Variants in PLXND1 observed in about 807,000 individuals in gnomAD.
PLXND1 encodes the protein plexin-D1.
In PLXND1, 54 loss-of-function variants were observed where a neutral mutation model predicts 197.7. The observed-to-expected ratio is 0.27, with a 90% CI of 0.22 to 0.34. The LOEUF (loss-of-function observed/expected upper bound fraction) is 0.34. Ranked by LOEUF, PLXND1 falls within the 10% of genes least tolerant of loss-of-function variation. PLXND1 has a pLI of 1.00. For missense variants in PLXND1, 2,127 were observed against 2,699.2 expected, an observed-to-expected ratio of 0.79 and a Z score of 4.70; for synonymous variants, 1,180 against 1,161.2, an observed-to-expected ratio of 1.02 and a Z score of -0.33.
At chr3:129,605,061 C>T (rs953543850) in intron 1 of PLXND1, among the ~76,000 whole-genome samples, 3 of 152,222 alleles carry the variant, frequency 2.0e-5, no homozygotes, top group Admixed American at 1.3e-4. Flanking sequence ...GCAACTTGGA[C>T]CCCTCCCAGT....
intron 11 of PLXND1, among the ~76,000 whole-genome samples, chr3:129,575,011 G>A (rs1310015316): frequency 6.6e-6 from 1 of 152,214 alleles, no homozygotes; most frequent in Non-Finnish European, 1.5e-5. Context: ...GCCGTTCTGG[G>A]ACCTTCATGG....
Position 129,558,726 on chromosome 3 carries a change from T to A in PLXND1, c.5298-151A>T. 1.4e-6 allele frequency: 1 copy of A among 729,786 alleles called. No homozygotes were observed. Among genetic ancestry groups the A allele is most frequent in the Non-Finnish European group, 2.2e-6 (1 of 451,130 alleles). 45.2% of individuals were successfully genotyped at this position (729,786 alleles called of 1,614,324 possible). A position where few individuals can be genotyped will look rare whatever the true frequency, so the allele number is the denominator to read the frequency against. ...TGACCTTTGGGAACCTTAGTTTGCCTATCCCTGGCCAGCTGGGGTGCAGTG... is the reference window on the plus strand; with the variant it reads ...TGACCTTTGGGAACCTTAGTTTGCCAATCCCTGGCCAGCTGGGGTGCAGTG... On this transcript the variant is annotated intron_variant, in intron 32 of 35. Coordinates refer to ENST00000324093, the MANE Select transcript of PLXND1 (RefSeq NM_015103.3). The surrounding 1 kb of genome is among the most constrained non-coding windows in gnomAD (Gnocchi z 4.1).
rs780317903 is a variant in PLXND1 at position 129,558,095 on chromosome 3, T to A, written c.5445+333A>T. ...CCCAGAGCCTGGCCCGGTTTTCAGA[T>A]GATGTTGTGCCTGACCAAGCAGGTT... On this transcript the variant is annotated intron_variant, in intron 33 of 35. Transcript: ENST00000324093. This position sits in a 1 kb window ranked among gnomAD's most constrained non-coding sequence, Gnocchi z 4.1. Among the ~76,000 whole-genome samples the A allele has an allele frequency of 8.7e-4, 132 of 152,314 alleles. No individual in the cohort carries two copies. The Middle Eastern group carries it at 0.01, about 12-fold the overall frequency.
intron 24 of PLXND1, 49 bp from the exon 25 acceptor site, chr3:129,565,587 G>T: frequency 6.7e-7 from 1 of 1,503,688 alleles, no homozygotes; most frequent in Non-Finnish European, 9.2e-7. Context: ...CCTAGGAGCT[G>T]TGGGTCCCAG....
chr3:129,598,008 C>T (rs1040659727), intron 1 of PLXND1, among the ~76,000 whole-genome samples: 4 of 152,194 alleles, frequency 2.6e-5, no homozygotes, highest in Non-Finnish European at 5.9e-5. Flanking sequence ...AGGGCCAATA[C>T]AGACCAGCAG....
rs1328500972 is a variant in PLXND1 at position 129,555,840 on chromosome 3, T to C, written c.*472A>G. On this transcript the variant is annotated 3_prime_UTR_variant, in exon 36 of 36. Transcript: ENST00000324093. ...GTGAGGGGGAAGTGGAGATAACATT[T>C]TGGTAGTTGAAGCAGAAACCAATCA... 3.3e-5 allele frequency: 11 copies of C among 328,978 alleles called. No homozygotes were observed. 20.4% of individuals were successfully genotyped at this position (328,978 alleles called of 1,614,324 possible).
At chr3:129,590,729 T>C (rs999395264) in intron 1 of PLXND1, among the ~76,000 whole-genome samples, 1 of 152,210 alleles carries the variant, frequency 6.6e-6, no homozygotes, top group African/African-American at 2.4e-5. Context: ...ACTCCCAGAA[T>C]CCTGGCAGCC....
chr3:129,580,872 C>T (rs1387794163), intron 8 of PLXND1, among the ~76,000 whole-genome samples: 1 of 151,978 alleles, frequency 6.6e-6, no homozygotes, highest in East Asian at 1.9e-4. Context: ...CCTACCACCC[C>T]ACTCTCTCCA....
chr3:129,555,248 A>G lies in PLXND1; in HGVS notation c.*1064T>C. 1 of 454,102 alleles carries G rather than the reference A, an allele frequency of 2.2e-6. No individual in the cohort carries two copies. Among genetic ancestry groups the G allele is most frequent in the Non-Finnish European group, 3.9e-6 (1 of 259,514 alleles). 28.1% of individuals were successfully genotyped at this position (454,102 alleles called of 1,614,324 possible). ...CCGTAAGGCTTTTATTATAAAGAAG[A>G]TTCCAGAGTCCCAGCTGCCCCCCTC... On this transcript the variant is annotated 3_prime_UTR_variant, in exon 36 of 36. Coordinates refer to ENST00000324093, the MANE Select transcript of PLXND1 (RefSeq NM_015103.3).
At position 129,583,629 on chromosome 3, in the gene PLXND1, A is replaced by T. The variant is rs760583001; in HGVS notation, c.2179T>A (p.Cys727Ser). 2.5e-6 allele frequency: 4 copies of T among 1,613,238 alleles called. No homozygotes were observed. ...CLSAQWPCFWCSQQHSCVSNQ... is the reference protein window; with the variant it reads ...CLSAQWPCFWSSQQHSCVSNQ... ...GAAACACAGGAGTGCTGCTGGCTGC[A>T]CCAGAAACAGGGCCACTGTGCCGAC... The change falls in exon 8 of 36, where the codon TGC becomes AGC. Residue 727 changes from cysteine to serine, a missense_variant. Physicochemically the swap from Cys to Ser is moderately radical, Grantham distance 112 (BLOSUM62 -1). Transcript: ENST00000324093.
intron 8 of PLXND1, among the ~76,000 whole-genome samples, chr3:129,580,519 C>T (rs955757500): frequency 6.6e-6 from 1 of 152,132 alleles, no homozygotes; most frequent in Non-Finnish European, 1.5e-5. Context: ...CTGGCCCCAG[C>T]CCACCCGGTG....
intron 19 of PLXND1, 133 bp downstream of exon 19, chr3:129,570,653 T>G: frequency 1.2e-6 from 1 of 864,568 alleles, no homozygotes; most frequent in South Asian, 1.5e-5. Flanking sequence ...GATGTAAAGC[T>G]CTGCTTTGCT....
rs767416969 is a variant in PLXND1, at chr3:129,606,519, C to A, written c.121G>T (p.Ala41Ser). ...VPLLLLLLLG[A>S]ARAGALEIQR... ...ATCTCCAGGGCGCCGGCCCGCGCCG[C>A]CCCCAGGAGCAGCAGCAACAGCAGC... Residue 41 changes from alanine to serine, a missense_variant, in exon 1 of 36, where the codon GCG (alanine) becomes TCG (serine). This residue lies in a region of PLXND1 where 245 missense variants were observed against 267.1 expected (regional missense o/e 0.92). Transcript: ENST00000324093. The A allele has an allele frequency of 2.2e-6, 3 of 1,378,494 alleles. No individual in the cohort carries two copies. Among genetic ancestry groups the A allele is most frequent in the South Asian group, 1.8e-5 (1 of 55,656 alleles). The allele number at this position is 1,378,494 out of a possible 1,614,324, so 85.4% of individuals were successfully genotyped here. A position where few individuals can be genotyped will look rare whatever the true frequency, so the allele number is the denominator to read the frequency against.
At chr3:129,564,212 G>A (rs2085104614) in intron 25 of PLXND1, among the ~76,000 whole-genome samples, 1 of 152,256 alleles carries the variant, frequency 6.6e-6, no homozygotes. Flanking sequence ...GGAGCCGTGG[G>A]GCTCCCCCAG....
chr3:129,598,335 C>A (rs1032691373), intron 1 of PLXND1, among the ~76,000 whole-genome samples: 2 of 152,088 alleles, frequency 1.3e-5, no homozygotes, highest in African/African-American at 2.4e-5. Flanking sequence ...GATGTCATGA[C>A]CTCCTCCCTC....
At chr3:129,581,410 G>C (rs1459912461) in intron 8 of PLXND1, among the ~76,000 whole-genome samples, 1 of 152,172 alleles carries the variant, frequency 6.6e-6, no homozygotes, top group Non-Finnish European at 1.5e-5. Flanking sequence ...CTCCCTCCCA[G>C]CTGGTGAGCT....
At chr3:129,578,903 A>C (rs1247247474) in intron 8 of PLXND1, among the ~76,000 whole-genome samples, 1 of 152,228 alleles carries the variant, frequency 6.6e-6, no homozygotes, top group Non-Finnish European at 1.5e-5. Context: ...TGGGCTTCCA[A>C]ACAGCCCATA....
At chr3:129,565,284 G>T in intron 25 of PLXND1, 56 bp downstream of exon 25, 1 of 1,491,802 alleles carries the variant, frequency 6.7e-7, no homozygotes, top group African/African-American at 1.4e-5. Flanking sequence ...GGTCACTGCC[G>T]CTGAGTCCCT....
chr3:129,565,789 TG>T (rs760715025), intron 24 of PLXND1, 97 bp downstream of exon 24: 29 of 1,287,470 alleles, frequency 2.3e-5, no homozygotes, highest in Non-Finnish European at 3.2e-5. Context: ...AATATGGGGG[TG>T]TCAAGAGCCC....
Sources: allele counts gnomAD v4.1 joint callset (sites outside exome capture counted in the v4.1 genomes callset), GRCh38; gene constraint gnomAD v4.1.1; regional missense constraint gnomAD v4.1.1; non-coding constraint Gnocchi (gnomAD v3.1); transcripts MANE v1.5; gene names NCBI Gene and HGNC (gene_info 2026-07-23, HGNC 2026-07-21).